The following SMOC1 variants were observed in gnomAD, a reference collection of about 807,000 sequenced individuals.
SMOC1 encodes SPARC-related modular calcium-binding protein 1.
In SMOC1, 22 loss-of-function variants were observed where a neutral mutation model predicts 56.3. The ratio of observed to expected loss-of-function variants is 0.39; its 90% CI spans 0.28 to 0.56. The LOEUF is 0.56. Among genes scored for constraint, SMOC1 ranks in the 20% least tolerant of loss-of-function variants. The pLI, the probability that SMOC1 is intolerant of heterozygous loss-of-function variation, is 0.61. For missense variants in SMOC1, 509 were observed against 565.4 expected, an observed-to-expected ratio of 0.90 and a Z score of 1.01; for synonymous variants, 193 against 215.0, an observed-to-expected ratio of 0.90 and a Z score of 0.89.
At chr14:70,012,486 A>G (rs1885375142) in intron 9 of SMOC1, among the ~76,000 whole-genome samples, 1 of 152,256 alleles carries the variant, frequency 6.6e-6, no homozygotes, top group Admixed American at 6.5e-5. Flanking sequence ...GAAAAGCGGA[A>G]CATGCTGTGA....
intron 11 of SMOC1, among the ~76,000 whole-genome samples, chr14:70,025,631 A>G (rs1466490571): frequency 6.6e-6 from 1 of 152,170 alleles, no homozygotes; most frequent in East Asian, 1.9e-4. Context: ...AAGTGTTTGG[A>G]ACTTTTTCAG....
At chr14:70,025,338 G>T (rs775962560) in intron 11 of SMOC1, among the ~76,000 whole-genome samples, 1 of 152,198 alleles carries the variant, frequency 6.6e-6, no homozygotes, top group African/African-American at 2.4e-5. Flanking sequence ...AGAATAGCAT[G>T]GGAAATGGAT....
chr14:69,901,045 A>G (rs553682766), intron 1 of SMOC1, among the ~76,000 whole-genome samples: 149 of 152,344 alleles, frequency 9.8e-4, no homozygotes, highest in Non-Finnish European at 1.9e-3. Flanking sequence ...ATGATGTCCA[A>G]TTCCATGGAA....
intron 5 of SMOC1, 37 bp from the exon 6 acceptor site, chr14:69,992,380 G>T (rs375535414): frequency 6.2e-7 from 1 of 1,611,066 alleles, no homozygotes; most frequent in Non-Finnish European, 8.5e-7. Context: ...CTCAATAATG[G>T]TAGTCTCCTT....
At chr14:69,953,804 T>C (rs761901050) in intron 3 of SMOC1, among the ~76,000 whole-genome samples, 2 of 152,170 alleles carry the variant, frequency 1.3e-5, no homozygotes, top group African/African-American at 2.4e-5. Flanking sequence ...CTGCCGTCTG[T>C]CTCCTTGGAG....
At chr14:69,916,125 C>G (rs1374202783) in intron 1 of SMOC1, among the ~76,000 whole-genome samples, 1 of 152,208 alleles carries the variant, frequency 6.6e-6, no homozygotes, top group African/African-American at 2.4e-5. Context: ...TTTTCCCTAC[C>G]AACCTTACCA....
chr14:69,975,712 C>T lies in SMOC1; in HGVS notation c.379-3C>T. ...TTTCTTCCCTTTTCACTTCCCTGAA[C>T]AGGTGCAGTGCCATACTTACACTGG... On this transcript the variant is annotated splice_region_variant and splice_polypyrimidine_tract_variant and intron_variant, in intron 3 of 11. Coordinates refer to ENST00000361956, the MANE Select transcript of SMOC1 (RefSeq NM_001034852.3). 6.2e-7 allele frequency: 1 copy of T among 1,609,422 alleles called. No homozygotes were observed. Among genetic ancestry groups the T allele is most frequent in the Non-Finnish European group, 8.5e-7 (1 of 1,176,604 alleles).
chr14:69,905,282 C>T (rs1053030892), intron 1 of SMOC1, among the ~76,000 whole-genome samples: 7 of 151,818 alleles, frequency 4.6e-5, no homozygotes, highest in South Asian at 2.1e-4. Context: ...TGGAGAGGAA[C>T]GTCCAAGCAG....
At chr14:69,999,199 C>T (rs1413669296) in intron 7 of SMOC1, among the ~76,000 whole-genome samples, 1 of 152,174 alleles carries the variant, frequency 6.6e-6, no homozygotes, top group Non-Finnish European at 1.5e-5. Flanking sequence ...TCTTCTAGGC[C>T]TGCTTCAGGC....
At position 69,963,616 on chromosome 14, in the gene SMOC1, A is replaced by G. The variant is rs536703048; in HGVS notation, c.378+10084A>G. 7.9e-5 allele frequency among the ~76,000 whole-genome samples: 12 copies of G among 151,222 alleles called. No homozygotes were observed. In the South Asian group the frequency reaches 1.7e-3, roughly 21 times the overall value. On this transcript the variant is annotated intron_variant, in intron 3 of 11. Transcript: ENST00000361956. ...CTCTGTGGGCATTAAGGTTCTCAGC[A>G]CATCAAGATCTGGGAGAGGTAGAAG...
intron 11 of SMOC1, among the ~76,000 whole-genome samples, chr14:70,025,273 CAGA>C (rs1327451820): frequency 6.6e-6 from 1 of 152,128 alleles, no homozygotes; most frequent in Non-Finnish European, 1.5e-5. Flanking sequence ...GAGAGTTTAG[CAGA>C]AGAAGATAAA....
chr14:69,945,275 C>T (rs1459907685), intron 1 of SMOC1, among the ~76,000 whole-genome samples: 1 of 152,066 alleles, frequency 6.6e-6, no homozygotes, highest in Non-Finnish European at 1.5e-5. Flanking sequence ...GAAGTATAAA[C>T]ACAGTGCAGC....
intron 9 of SMOC1, 136 bp from the exon 10 acceptor site, chr14:70,013,250 T>A (rs1487901189): frequency 2.6e-6 from 2 of 765,600 alleles, no homozygotes; most frequent in Non-Finnish European, 2.3e-6. Flanking sequence ...ACTCATCTGA[T>A]CAGTAAACAA....
intron 3 of SMOC1, among the ~76,000 whole-genome samples, chr14:69,956,316 G>A (rs1449496490): frequency 6.6e-6 from 1 of 152,160 alleles, no homozygotes. Context: ...TTTTCCCGCT[G>A]ATCAAAGACA....
At chr14:69,999,997 G>A (rs906909892) in intron 7 of SMOC1, among the ~76,000 whole-genome samples, 1 of 152,146 alleles carries the variant, frequency 6.6e-6, no homozygotes, top group African/African-American at 2.4e-5. Flanking sequence ...GCAAAACTAC[G>A]TGCCCTGGTA....
rs985782892 is a variant in SMOC1, at chr14:70,019,331, G to A, written c.1047-3872G>A. 3.9e-5 allele frequency among the ~76,000 whole-genome samples: 6 copies of A among 152,320 alleles called. No individual in the cohort carries two copies. The East Asian group carries it at 1.2e-3, about 29-fold the overall frequency. ...ATAGTCTTCTAAAATCTGGAATCTG[G>A]TATCATTTGGGTGTGTCTTTTCATA... On this transcript the variant is annotated intron_variant, in intron 10 of 11. Coordinates refer to ENST00000361956, the MANE Select transcript of SMOC1 (RefSeq NM_001034852.3).
intron 7 of SMOC1, among the ~76,000 whole-genome samples, chr14:70,001,758 A>G (rs1177655068): frequency 6.6e-6 from 1 of 152,168 alleles, no homozygotes; most frequent in Non-Finnish European, 1.5e-5. Context: ...TTCACACACG[A>G]TTGCATTTAA....
At position 69,879,467 on chromosome 14, in the gene SMOC1, G is replaced by A; in HGVS notation, c.-212G>A. On this transcript the variant is annotated 5_prime_UTR_variant, in exon 1 of 12. Transcript: ENST00000361956. ...CCCCGCCGAGCGGAGCTAGCGCCGC[G>A]CGCAGAGCACACGCTCGCGCTCCAG... 1 of 405,006 alleles carries A rather than the reference G, an allele frequency of 2.5e-6. No homozygotes were observed. The highest frequency in any genetic ancestry group is 4.3e-6 in the Non-Finnish European group (1 of 232,540). The allele number at this position is 405,006 out of a possible 1,614,324, so 25.1% of individuals were successfully genotyped here. A position where few individuals can be genotyped will look rare whatever the true frequency, so the allele number is the denominator to read the frequency against.
intron 1 of SMOC1, among the ~76,000 whole-genome samples, chr14:69,900,672 T>G (rs1267961073): frequency 2.0e-5 from 3 of 152,242 alleles, no homozygotes; most frequent in Non-Finnish European, 4.4e-5. Context: ...AGCTTAATAA[T>G]GTGCTGGAAG....
Sources: gnomAD v4.1 joint callset for allele counts (sites outside exome capture counted in the v4.1 genomes callset) on GRCh38, gnomAD v4.1.1 for gene constraint, MANE v1.5 for transcripts, NCBI Gene and HGNC (gene_info 2026-07-23, HGNC 2026-07-21) for gene names.